The following ABCB11 variants were observed in gnomAD, a reference collection of about 807,000 sequenced individuals.
ABCB11 encodes the protein ATP binding cassette subfamily B member 11.
In ABCB11, 95 loss-of-function variants were observed where a neutral mutation model predicts 148.0. That is an observed-to-expected ratio of 0.64 (90% CI 0.54 to 0.76). ABCB11 has a LOEUF of 0.76. ABCB11 is among the 30% of genes least tolerant of loss of function. ABCB11 has a pLI of 0.00. For synonymous variants in ABCB11, 591 were observed against 555.4 expected (o/e 1.06, Z -0.90); for missense variants, 1,523 against 1,617.8 (o/e 0.94, Z 1.01).
intron 23 of ABCB11, among the ~76,000 whole-genome samples, chr2:168,933,979 C>T (rs1270836906): frequency 6.6e-6 from 1 of 152,086 alleles, no homozygotes; most frequent in Admixed American, 6.6e-5. Context: ...TCTTGAACTC[C>T]TGACCTCAAG....
At position 168,938,315 on chromosome 2, in the gene ABCB11, A is replaced by C. The variant is rs150844890; in HGVS notation, c.2611-1882T>G. On this transcript the variant is annotated intron_variant, in intron 21 of 27. Transcript: ENST00000650372. The stretch of plus-strand genomic sequence containing the variant: ...ACAGACAGATGAATGAATAAAGAAA[A>C]CATGATATATCCATAAAATAAACAT... 1.6e-3 allele frequency among the ~76,000 whole-genome samples: 248 copies of C among 152,318 alleles called. 2 individuals are homozygous for C. The highest frequency in any genetic ancestry group is 5.6e-3 in the African/African-American group (233 of 41,556).
rs189286244 is a variant in ABCB11 at position 168,922,422 on chromosome 2, C to G, written c.*1200G>C. 6.6e-6 allele frequency among the ~76,000 whole-genome samples: 1 copy of G among 152,176 alleles called. No homozygotes were observed. Among genetic ancestry groups the G allele is most frequent in the Admixed American group, 6.5e-5 (1 of 15,282 alleles). On this transcript the variant is annotated 3_prime_UTR_variant, in exon 28 of 28. Transcript: ENST00000650372. The stretch of plus-strand genomic sequence containing the variant: ...GGGGCTCTGCAATTCTGTTTCCATA[C>G]AGGCTTTTGGTCCATTCTTCTGTCT...
intron 8 of ABCB11, among the ~76,000 whole-genome samples, chr2:168,992,357 C>T (rs540211158): frequency 3.9e-5 from 6 of 152,050 alleles, no homozygotes; most frequent in South Asian, 2.1e-4. Flanking sequence ...CTATGATCCA[C>T]GTGAGTGTGT....
intron 5 of ABCB11, among the ~76,000 whole-genome samples, chr2:168,999,707 G>C (rs1177921560): frequency 6.6e-6 from 1 of 152,030 alleles, no homozygotes; most frequent in Non-Finnish European, 1.5e-5. Flanking sequence ...ATCACAGTTT[G>C]TTTAACCACT....
intron 26 of ABCB11, among the ~76,000 whole-genome samples, chr2:168,926,044 C>G (rs1179912735): frequency 1.3e-5 from 2 of 152,174 alleles, no homozygotes; most frequent in African/African-American, 2.4e-5. Context: ...AAACAAAAAG[C>G]CTTCCACAAA....
chr2:168,928,385 A>G (rs2105884528), intron 25 of ABCB11, among the ~76,000 whole-genome samples: 1 of 152,322 alleles, frequency 6.6e-6, no homozygotes, highest in South Asian at 2.1e-4. Flanking sequence ...TCATGCAGTA[A>G]CAGGCACATC....
chr2:168,980,091 G>T, intron 10 of ABCB11, 112 bp from the exon 11 acceptor site: 1 of 612,096 alleles, frequency 1.6e-6, no homozygotes, highest in Non-Finnish European at 2.9e-6. Flanking sequence ...ATTCTCTTCT[G>T]TGGGTTCAAA....
chr2:168,992,335 T>C (rs1376864397), intron 8 of ABCB11, among the ~76,000 whole-genome samples: 1 of 152,084 alleles, frequency 6.6e-6, no homozygotes, highest in East Asian at 1.9e-4. Context: ...CTCCAACATG[T>C]TGAAATGTGG....
chr2:169,008,938 A>G (rs1407136355), intron 5 of ABCB11, among the ~76,000 whole-genome samples: 1 of 152,248 alleles, frequency 6.6e-6, no homozygotes, highest in Admixed American at 6.5e-5. Context: ...TTATATCCAT[A>G]TAACGAAATA....
At chr2:168,985,890 T>G (rs1161022351) in intron 10 of ABCB11, among the ~76,000 whole-genome samples, 1 of 152,008 alleles carries the variant, frequency 6.6e-6, no homozygotes. Flanking sequence ...AAATCACCAC[T>G]AAAGGACTTA....
chr2:168,977,951 T>C (rs1014702084), intron 11 of ABCB11, among the ~76,000 whole-genome samples: 1 of 152,106 alleles, frequency 6.6e-6, no homozygotes, highest in Non-Finnish European at 1.5e-5. Flanking sequence ...AGCCAAACCA[T>C]ATCAATCACT....
intron 5 of ABCB11, among the ~76,000 whole-genome samples, chr2:169,009,138 A>G (rs1257079530): frequency 2.0e-5 from 3 of 152,202 alleles, no homozygotes; most frequent in African/African-American, 7.2e-5. Context: ...CTAGAAAGTG[A>G]TGGCCGAGGG....
chr2:168,936,803 C>T (rs1691851249), intron 21 of ABCB11, among the ~76,000 whole-genome samples: 1 of 152,184 alleles, frequency 6.6e-6, no homozygotes, highest in Admixed American at 6.5e-5. Flanking sequence ...CTGTGTCTGG[C>T]TTATTTTGCT....
At chr2:168,954,465 T>C (rs976078569) in intron 19 of ABCB11, among the ~76,000 whole-genome samples, 8 of 151,630 alleles carry the variant, frequency 5.3e-5, no homozygotes, top group Admixed American at 6.6e-5. Context: ...TTATCTCTCC[T>C]TCACTTATGA....
Position 168,974,920 on chromosome 2 carries a change from A to G in ABCB11, c.1309-1080T>C, listed in dbSNP as rs990882006. Among the ~76,000 whole-genome samples the G allele has an allele frequency of 2.7e-5, 4 of 149,580 alleles. No homozygotes were observed. In the Admixed American group the frequency reaches 2.7e-4, roughly 10 times the overall value. ...AATATACTTTATGTAATCAGAATAT[A>G]TATTTACTTATGTTTTATATATTTA... is the stretch of plus-strand genomic sequence containing the variant. On this transcript the variant is annotated intron_variant, in intron 12 of 27. Transcript: ENST00000650372.
rs375400072 is a variant in ABCB11, at chr2:168,985,972, T to C, written c.1083+138A>G. On this transcript the variant is annotated intron_variant, in intron 10 of 27. Coordinates refer to ENST00000650372, the MANE Select transcript of ABCB11 (RefSeq NM_003742.4). Reference sequence around the variant, plus strand: ...AAAAAAAAATTTAAGGTATTACTTGTTTCCACAGACAGACTCCATAAAATC... The same window carrying C: ...AAAAAAAAATTTAAGGTATTACTTGCTTCCACAGACAGACTCCATAAAATC... The C allele has an allele frequency of 8.5e-5, 64 of 753,210 alleles. No homozygotes were observed. The African/African-American group carries it at 1.1e-3, about 13-fold the overall frequency. 46.7% of individuals were successfully genotyped at this position (753,210 alleles called of 1,614,324 possible).
intron 3 of ABCB11, among the ~76,000 whole-genome samples, chr2:169,016,565 G>C (rs967662324): frequency 6.6e-6 from 1 of 152,170 alleles, no homozygotes; most frequent in African/African-American, 2.4e-5. Flanking sequence ...CCTGAATACA[G>C]AGGGGACATT....
Position 168,958,096 on chromosome 2 carries a change from T to A in ABCB11, c.2211A>T (p.Glu737Asp), listed in dbSNP as rs1692879273. The change falls in exon 19 of 28, where the codon GAA becomes GAT. Residue 737 changes from glutamate to aspartate, a missense_variant. By Grantham distance (45) the Glu-to-Asp change is conservative. Transcript: ENST00000650372. The stretch of plus-strand genomic sequence containing the variant: ...TCAGAATCCTCCTAACTGGGGCAGG[T>A]TCAACTTCTTCCTGCACAGGAATGT... The part of the protein sequence containing the change: ...DKDIPVQEEV[E>D]PAPVRRILKF... The A allele has an allele frequency of 6.2e-7, 1 of 1,611,070 alleles. No homozygotes were observed. Among genetic ancestry groups the A allele is most frequent in the African/African-American group, 1.3e-5 (1 of 74,682 alleles).
intron 1 of ABCB11, among the ~76,000 whole-genome samples, chr2:169,029,713 A>G (rs750734642): frequency 2.1e-4 from 30 of 140,708 alleles, no homozygotes; most frequent in Non-Finnish European, 4.1e-4. Context: ...CTAAATGTAC[A>G]GTTCTTTCCT....
Sources: allele counts gnomAD v4.1 joint callset (sites outside exome capture counted in the v4.1 genomes callset), GRCh38; gene constraint gnomAD v4.1.1; transcripts MANE v1.5; gene names NCBI Gene and HGNC (gene_info 2026-07-23, HGNC 2026-07-21).